The following AMOTL1 variants were observed in gnomAD, a reference collection of about 807,000 sequenced individuals.
AMOTL1 encodes the protein angiomotin like 1.
In AMOTL1, 45 loss-of-function variants were observed where a neutral mutation model predicts 102.9. The ratio of observed to expected loss-of-function variants is 0.44; its 90% CI spans 0.34 to 0.56. The LOEUF (loss-of-function observed/expected upper bound fraction) is 0.56. AMOTL1 is among the 20% of genes least tolerant of loss of function. The pLI is 0.01. For synonymous variants in AMOTL1, 481 were observed against 484.7 expected, an observed-to-expected ratio of 0.99 and a Z score of 0.10; for missense variants, 1,114 against 1,225.6, an observed-to-expected ratio of 0.91 and a Z score of 1.36.
chr11:94,807,106 T>C lies in AMOTL1; in HGVS notation c.1121+6795T>C, dbSNP rs183458352. On this transcript the variant is annotated intron_variant, in intron 3 of 12. Coordinates refer to ENST00000433060, the MANE Select transcript of AMOTL1 (RefSeq NM_130847.3). ...TTTTCTTCGTTCGATAAATAAAACA[T>C]ATTCATTGCACAAAATTTAGAAATA... Among the ~76,000 whole-genome samples, 185 of 152,310 alleles carry C rather than the reference T, an allele frequency of 1.2e-3. 1 individual carries two copies. The highest frequency in any genetic ancestry group is 4.3e-3 in the African/African-American group (177 of 41,556).
intron 4 of AMOTL1, among the ~76,000 whole-genome samples, chr11:94,825,058 G>A (rs1951937918): frequency 6.6e-6 from 1 of 152,170 alleles, no homozygotes. Context: ...CCCCCAGAAA[G>A]AGATGATGTT....
rs1294683633 is a variant in AMOTL1 at position 94,799,631 on chromosome 11, A to G, written c.441A>G (p.Glu147=). The change falls in exon 3 of 13, where the codon GAA becomes GAG. Residue 147 remains glutamate (E), a synonymous_variant. Coordinates refer to ENST00000433060, the MANE Select transcript of AMOTL1 (RefSeq NM_130847.3). This position sits in a 1 kb window ranked among gnomAD's most constrained non-coding sequence, Gnocchi z 4.5. ...NFSSTENLTQ[E]DPQMVYQSAR... The stretch of plus-strand genomic sequence containing the variant: ...CTTCCACGGAAAACCTCACTCAAGA[A>G]GACCCACAAATGGTCTACCAGTCAG... 6 of 1,613,998 alleles carry G rather than the reference A, an allele frequency of 3.7e-6. No individual in the cohort carries two copies. In the East Asian group the frequency reaches 1.3e-4, roughly 36 times the overall value.
chr11:94,775,800 A>G (rs1951019873), intron 1 of AMOTL1, among the ~76,000 whole-genome samples: 1 of 152,166 alleles, frequency 6.6e-6, no homozygotes, highest in African/African-American at 2.4e-5. Flanking sequence ...GAAATGTACC[A>G]CATCTCCCTT....
intron 3 of AMOTL1, among the ~76,000 whole-genome samples, chr11:94,757,620 A>C (rs1402007611): frequency 9.8e-5 from 15 of 152,342 alleles, no homozygotes. Flanking sequence ...TAGCAAATTC[A>C]GGCCACTAAG....
intron 6 of AMOTL1, among the ~76,000 whole-genome samples, chr11:94,847,113 T>C (rs1257685203): frequency 2.6e-5 from 4 of 152,226 alleles, no homozygotes; most frequent in Non-Finnish European, 5.9e-5. Context: ...TTGACCCATG[T>C]ATTTCAGAGG....
intron 3 of AMOTL1, among the ~76,000 whole-genome samples, chr11:94,759,174 T>G (rs967835388): frequency 6.6e-6 from 1 of 151,826 alleles, no homozygotes; most frequent in Non-Finnish European, 1.5e-5. Context: ...GCATTCATAA[T>G]TTTTTTTTCA....
intron 5 of AMOTL1, among the ~76,000 whole-genome samples, chr11:94,830,812 G>A (rs1315604691): frequency 6.6e-6 from 1 of 152,216 alleles, no homozygotes; most frequent in African/African-American, 2.4e-5. Flanking sequence ...TGCTTCATAT[G>A]TCAAAACACT....
intron 1 of AMOTL1, among the ~76,000 whole-genome samples, chr11:94,716,528 A>G (rs1202683867): frequency 6.6e-6 from 1 of 152,044 alleles, no homozygotes; most frequent in Non-Finnish European, 1.5e-5. Flanking sequence ...GTTCTGGTCT[A>G]CTTTTGTGAG....
At chr11:94,718,166 C>A (rs1591886841) in intron 1 of AMOTL1, among the ~76,000 whole-genome samples, 3 of 151,954 alleles carry the variant, frequency 2.0e-5, no homozygotes, top group Admixed American at 2.0e-4. Context: ...ACATGTGTAT[C>A]TTTCTTGGAA....
Position 94,799,640 on chromosome 11 carries a change from A to C in AMOTL1, c.450A>C (p.Gln150His). Residue 150 changes from glutamine to histidine, a missense_variant, in exon 3 of 13, where the codon CAA (glutamine) becomes CAC (histidine). Gln to His is a conservative substitution (Grantham distance 24). Coordinates refer to ENST00000433060, the MANE Select transcript of AMOTL1 (RefSeq NM_130847.3). This position sits in a 1 kb window ranked among gnomAD's most constrained non-coding sequence, Gnocchi z 4.5. ...STENLTQEDP[Q>H]MVYQSARQEP... ...AAAACCTCACTCAAGAAGACCCACA[A>C]ATGGTCTACCAGTCAGCACGCCAAG... The C allele has an allele frequency of 6.2e-7, 1 of 1,613,996 alleles. No individual in the cohort carries two copies. Among genetic ancestry groups the C allele is most frequent in the Non-Finnish European group, 8.5e-7 (1 of 1,179,896 alleles).
intron 8 of AMOTL1, among the ~76,000 whole-genome samples, chr11:94,859,140 C>T (rs1245762199): frequency 6.6e-6 from 1 of 152,120 alleles, no homozygotes; most frequent in African/African-American, 2.4e-5. Context: ...TACCCTAGAC[C>T]AGGAGGCCAA....
chr11:94,821,332 T>G (rs974097643), intron 3 of AMOTL1, among the ~76,000 whole-genome samples, 198 bp from the exon 4 acceptor site: 1 of 152,210 alleles, frequency 6.6e-6, no homozygotes, highest in African/African-American at 2.4e-5. Context: ...AGCAGGGACC[T>G]GGTCTGTCTT....
chr11:94,728,007 C>T (rs1950288242), intron 1 of AMOTL1, among the ~76,000 whole-genome samples: 1 of 152,200 alleles, frequency 6.6e-6, no homozygotes, highest in African/African-American at 2.4e-5. Context: ...CCAAATTAAG[C>T]CAGCTGGGCT....
intron 2 of AMOTL1, chr11:94,740,373 G>A (rs1042587833): frequency 3.3e-5 from 5 of 152,234 alleles, no homozygotes; most frequent in Non-Finnish European, 5.9e-5. Context: ...GGGCAAACGG[G>A]GCGGGGACTA....
In AMOTL1 at chr11:94,865,870, G is replaced by A. The variant is rs1409779524; in HGVS notation, c.2262-72G>A. 3.8e-6 allele frequency: 5 copies of A among 1,318,736 alleles called. No individual in the cohort carries two copies. In the East Asian group the frequency reaches 1.2e-4, roughly 33 times the overall value. The allele number at this position is 1,318,736 out of a possible 1,614,324, so 81.7% of individuals were successfully genotyped here. On this transcript the variant is annotated intron_variant, in intron 10 of 12. Coordinates refer to ENST00000433060, the MANE Select transcript of AMOTL1 (RefSeq NM_130847.3). ...AATTACAATTAAAGTCTTTGGGACA[G>A]CCTGAGATAAATGTTTCAAGTTTTT...
intron 1 of AMOTL1, among the ~76,000 whole-genome samples, chr11:94,790,795 A>G (rs553542992): frequency 6.6e-6 from 1 of 152,164 alleles, no homozygotes; most frequent in African/African-American, 2.4e-5. Flanking sequence ...TTTAAACCTC[A>G]TGGAGACTTT....
chr11:94,800,007 A>G lies in AMOTL1; in HGVS notation c.817A>G (p.Asn273Asp). Residue 273 changes from asparagine to aspartate, a missense_variant, in exon 3 of 13, where the codon AAT becomes GAT. Coordinates refer to ENST00000433060, the MANE Select transcript of AMOTL1 (RefSeq NM_130847.3). ...AATCATGCAGCTGTCCCTGGAGAGG[A>G]ATGGGGCCAAGCAACACCTTCCCGG... ...ERIMQLSLER[N>D]GAKQHLPGSG... 4 of 1,614,010 alleles carry G rather than the reference A, an allele frequency of 2.5e-6. No individual in the cohort carries two copies. Among genetic ancestry groups the G allele is most frequent in the Non-Finnish European group, 3.4e-6 (4 of 1,179,880 alleles).
intron 2 of AMOTL1, among the ~76,000 whole-genome samples, chr11:94,737,647 T>C (rs1350688350): frequency 6.6e-6 from 1 of 152,230 alleles, no homozygotes; most frequent in Non-Finnish European, 1.5e-5. Flanking sequence ...GTCACCTCTC[T>C]TGAGACACAA....
chr11:94,870,901 G>A lies in AMOTL1; in HGVS notation c.*106G>A. ...GTAGATGGGAAATCAGGAATGATTT[G>A]AACTGATAAAGATTTCAGACTCATA... On this transcript the variant is annotated 3_prime_UTR_variant, in exon 13 of 13. Coordinates refer to ENST00000433060, the MANE Select transcript of AMOTL1 (RefSeq NM_130847.3). 1 of 876,460 alleles carries A rather than the reference G, an allele frequency of 1.1e-6. No individual in the cohort carries two copies. Among genetic ancestry groups the A allele is most frequent in the African/African-American group, 1.7e-5 (1 of 59,356 alleles). The allele number at this position is 876,460 out of a possible 1,614,324, so 54.3% of individuals were successfully genotyped here.
Sources: gnomAD v4.1 joint callset for allele counts (sites outside exome capture counted in the v4.1 genomes callset) on GRCh38, gnomAD v4.1.1 for gene constraint, Gnocchi (gnomAD v3.1) non-coding constraint, MANE v1.5 for transcripts, NCBI Gene and HGNC (gene_info 2026-07-23, HGNC 2026-07-21) for gene names.